AGBL4: variants seen among roughly 807,000 people sequenced by gnomAD.
AGBL4 encodes the protein AGBL carboxypeptidase 4.
AGBL4 carries 58 observed loss-of-function variants against 66.4 expected under a neutral mutation model. The ratio of observed to expected loss-of-function variants is 0.87; its 90% CI spans 0.71 to 1.09. The LOEUF (loss-of-function observed/expected upper bound fraction) is 1.09, where lower values mean the gene tolerates loss of function less well. Ranked by LOEUF, AGBL4 falls within the 50% of genes least tolerant of loss-of-function variation. The pLI is 0.00. For missense variants in AGBL4, 579 were observed against 631.0 expected, an observed-to-expected ratio of 0.92 and a Z score of 0.88; for synonymous variants, 234 against 222.9, an observed-to-expected ratio of 1.05 and a Z score of -0.44.
chr1:49,645,846 A>G (rs1169023726), intron 3 of AGBL4, among the ~76,000 whole-genome samples: 4 of 151,556 alleles, frequency 2.6e-5, no homozygotes, highest in African/African-American at 9.7e-5. Context: ...CTAAGTATGG[A>G]ATGCAAAGTT....
At chr1:48,905,117 T>C (rs1652460059) in intron 5 of AGBL4, among the ~76,000 whole-genome samples, 1 of 152,182 alleles carries the variant, frequency 6.6e-6, no homozygotes, top group Admixed American at 6.5e-5. Context: ...GAGGAATCTT[T>C]AGGAGGTGGA....
intron 2 of AGBL4, among the ~76,000 whole-genome samples, chr1:49,716,253 G>T (rs1019272921): frequency 6.6e-5 from 10 of 152,152 alleles, no homozygotes; most frequent in African/African-American, 2.2e-4. Context: ...TCAAAGATCA[G>T]ATGGTTGTAG....
intron 6 of AGBL4, chr1:48,759,412 G>T: frequency 7.2e-7 from 1 of 1,393,946 alleles, no homozygotes. Flanking sequence ...AGAAACCTGT[G>T]CAAACACTTA....
chr1:49,029,381 A>T (rs1193088567), intron 5 of AGBL4, among the ~76,000 whole-genome samples: 1 of 152,208 alleles, frequency 6.6e-6, no homozygotes, highest in Non-Finnish European at 1.5e-5. Flanking sequence ...GAAAATGCAA[A>T]GCTAAATTTG....
At chr1:49,722,626 T>C (rs925392924) in intron 2 of AGBL4, among the ~76,000 whole-genome samples, 3 of 152,150 alleles carry the variant, frequency 2.0e-5, no homozygotes, top group African/African-American at 7.2e-5. Context: ...AGATTAAAAA[T>C]GCTTTCTGAT....
intron 4 of AGBL4, among the ~76,000 whole-genome samples, chr1:49,113,674 C>G (rs1208363654): frequency 6.6e-6 from 1 of 152,182 alleles, no homozygotes; most frequent in Non-Finnish European, 1.5e-5. Flanking sequence ...AAATGTATTT[C>G]TTAAATAAGA....
intron 4 of AGBL4, among the ~76,000 whole-genome samples, chr1:49,163,616 A>G (rs1308895117): frequency 1.3e-5 from 2 of 152,340 alleles, no homozygotes; most frequent in South Asian, 4.1e-4. Flanking sequence ...AAAACAGGTA[A>G]TTATTCTCAA....
intron 6 of AGBL4, among the ~76,000 whole-genome samples, chr1:48,839,354 C>T (rs1309364273): frequency 6.6e-6 from 1 of 151,860 alleles, no homozygotes; most frequent in Non-Finnish European, 1.5e-5. Flanking sequence ...TATATATACA[C>T]ACATATATGT....
At position 49,049,563 on chromosome 1, in the gene AGBL4, T is replaced by A. The variant is rs186930360; in HGVS notation, c.378-3763A>T. Among the ~76,000 whole-genome samples the A allele has an allele frequency of 6.6e-5, 10 of 152,200 alleles. No homozygotes were observed. The East Asian group carries it at 1.5e-3, about 24-fold the overall frequency. On this transcript the variant is annotated intron_variant, in intron 4 of 13. Coordinates refer to ENST00000371839, the MANE Select transcript of AGBL4 (RefSeq NM_032785.4). Reference sequence around the variant, plus strand: ...GCATAGAGCGGTCTCAAGCAATACTTATTTATGTAAAAAGCAATGAAAAAA... The same window carrying A: ...GCATAGAGCGGTCTCAAGCAATACTAATTTATGTAAAAAGCAATGAAAAAA...
intron 6 of AGBL4, among the ~76,000 whole-genome samples, chr1:48,732,966 C>A (rs939870022): frequency 6.6e-6 from 1 of 152,156 alleles, no homozygotes; most frequent in Non-Finnish European, 1.5e-5. Context: ...CAAACAGTGC[C>A]AGTGAGACTG....
In AGBL4 at chr1:49,835,840, T is replaced by C. The variant is rs182422384; in HGVS notation, c.157+15556A>G. Among the ~76,000 whole-genome samples the C allele has an allele frequency of 2.6e-3, 391 of 152,294 alleles. 4 individuals carry two copies. The highest frequency in any genetic ancestry group is 9.2e-3 in the African/African-American group (381 of 41,566). Reference sequence around the variant, plus strand: ...TCTCCTTCACTTATGAAGCTTAGTTTGACTGGATATGAAATTCTGGGTTAA... The same window carrying C: ...TCTCCTTCACTTATGAAGCTTAGTTCGACTGGATATGAAATTCTGGGTTAA... On this transcript the variant is annotated intron_variant, in intron 2 of 13. Transcript: ENST00000371839.
intron 4 of AGBL4, among the ~76,000 whole-genome samples, chr1:49,091,728 G>A (rs943517199): frequency 1.1e-4 from 16 of 152,002 alleles, no homozygotes; most frequent in East Asian, 1.9e-4. Context: ...ACACATGCAC[G>A]CATATGTTTA....
chr1:49,796,147 C>T (rs1289443226), intron 2 of AGBL4, among the ~76,000 whole-genome samples: 2 of 151,644 alleles, frequency 1.3e-5, no homozygotes, highest in African/African-American at 2.4e-5. Context: ...AGCAGAATAA[C>T]AAATATTAAC....
chr1:48,988,989 C>T (rs552663612), intron 5 of AGBL4, among the ~76,000 whole-genome samples: 1 of 152,240 alleles, frequency 6.6e-6, no homozygotes, highest in African/African-American at 2.4e-5. Context: ...AGAAATTTCA[C>T]AGCTGTAAAA....
chr1:49,155,807 T>C (rs1024117843), intron 4 of AGBL4, among the ~76,000 whole-genome samples: 1 of 152,190 alleles, frequency 6.6e-6, no homozygotes, highest in South Asian at 2.1e-4. Flanking sequence ...TGGATCTTTA[T>C]AGCAAACATG....
intron 2 of AGBL4, among the ~76,000 whole-genome samples, chr1:49,816,568 G>A (rs754933049): frequency 6.6e-6 from 1 of 152,068 alleles, no homozygotes; most frequent in Non-Finnish European, 1.5e-5. Flanking sequence ...AGAGGGCAAG[G>A]GTTCAGGCAA....
At chr1:48,778,655 T>C (rs924834760) in intron 6 of AGBL4, among the ~76,000 whole-genome samples, 2 of 152,042 alleles carry the variant, frequency 1.3e-5, no homozygotes, top group Admixed American at 1.3e-4. Flanking sequence ...CTTGTATTCA[T>C]TGTGTGTGTG....
At chr1:49,006,746 G>C in intron 5 of AGBL4, among the ~76,000 whole-genome samples, 1 of 151,808 alleles carries the variant, frequency 6.6e-6, no homozygotes, top group Non-Finnish European at 1.5e-5. Flanking sequence ...CTAACTGGGA[G>C]GCACCCCCCA....
intron 2 of AGBL4, among the ~76,000 whole-genome samples, chr1:49,828,093 T>C (rs1270634761): frequency 6.6e-6 from 1 of 152,082 alleles, no homozygotes. Context: ...AACAGATGCC[T>C]GTTACCTAAC....
Sources: allele counts gnomAD v4.1 joint callset (sites outside exome capture counted in the v4.1 genomes callset), GRCh38; gene constraint gnomAD v4.1.1; transcripts MANE v1.5; gene names NCBI Gene and HGNC (gene_info 2026-07-23, HGNC 2026-07-21).